ATR: variants seen among roughly 807,000 people sequenced by gnomAD.
ATR encodes the protein serine/threonine-protein kinase ATR.
ATR carries 142 observed loss-of-function variants against 305.3 expected under a neutral mutation model. That is an observed-to-expected ratio of 0.47 (90% confidence interval 0.41 to 0.53). ATR has a LOEUF of 0.53. Among genes scored for constraint, ATR ranks in the 20% least tolerant of loss-of-function variants. The pLI is 0.00. For synonymous variants in ATR, 1,050 were observed against 1,068.1 expected (o/e 0.98, Z 0.33); for missense variants, 2,135 against 3,133.1 (o/e 0.68, Z 7.60).
chr3:142,498,820 C>A (rs2108342240), intron 31 of ATR, 46 bp from the exon 32 acceptor site: 1 of 1,565,556 alleles, frequency 6.4e-7, no homozygotes, highest in East Asian at 2.2e-5. Flanking sequence ...TAGCTGGGTC[C>A]AAGAGTCAGC....
At chr3:142,558,015 C>T (rs975423035) in intron 8 of ATR, among the ~76,000 whole-genome samples, 50 of 152,096 alleles carry the variant, frequency 3.3e-4, no homozygotes, top group African/African-American at 1.2e-3. Flanking sequence ...TTCTCAAATA[C>T]TTCCTAATTT....
intron 18 of ATR, 36 bp from the exon 19 acceptor site, chr3:142,538,661 AC>A (rs2033946007): frequency 6.2e-7 from 1 of 1,610,830 alleles, no homozygotes; most frequent in Non-Finnish European, 8.5e-7. Context: ...AAGTCCAATT[AC>A]TTTTATTATT....
At chr3:142,457,038 T>G (rs144274094) in intron 45 of ATR, among the ~76,000 whole-genome samples, 38 of 152,198 alleles carry the variant, frequency 2.5e-4, no homozygotes, top group Non-Finnish European at 2.9e-5. Flanking sequence ...ACACAAAAGG[T>G]GGAAACAATC....
chr3:142,561,026 A>G (rs1182548566), intron 5 of ATR, among the ~76,000 whole-genome samples: 1 of 152,254 alleles, frequency 6.6e-6, no homozygotes, highest in East Asian at 1.9e-4. Context: ...TTAGATAAGC[A>G]TATAAAAACA....
intron 27 of ATR, among the ~76,000 whole-genome samples, chr3:142,508,481 T>C (rs1226420417): frequency 1.3e-5 from 2 of 152,180 alleles, no homozygotes; most frequent in Non-Finnish European, 1.5e-5. Context: ...GTCATTATTT[T>C]TGATGACTAT....
At chr3:142,520,341 A>G (rs2033095321) in intron 23 of ATR, among the ~76,000 whole-genome samples, 1 of 152,184 alleles carries the variant, frequency 6.6e-6, no homozygotes, top group African/African-American at 2.4e-5. Context: ...GGAATCGCAC[A>G]TCTCTCACTT....
chr3:142,473,925 T>C (rs148658854), intron 36 of ATR, among the ~76,000 whole-genome samples: 2,690 of 148,468 alleles, frequency 0.018, 29 homozygotes, highest in South Asian at 0.041. Flanking sequence ...TCTACTTCTG[T>C]GAAAAAAGTT....
At chr3:142,525,766 T>G (rs1331706142) in intron 21 of ATR, among the ~76,000 whole-genome samples, 1 of 152,152 alleles carries the variant, frequency 6.6e-6, no homozygotes, top group Non-Finnish European at 1.5e-5. Context: ...CTCCTCCCAT[T>G]GCTTTCTTGC....
intron 15 of ATR, 84 bp from the exon 16 acceptor site, chr3:142,547,994 G>T: frequency 8.4e-7 from 1 of 1,196,972 alleles, no homozygotes; most frequent in Non-Finnish European, 1.2e-6. Flanking sequence ...CATGCTATTA[G>T]TACATCAGGA....
chr3:142,459,795 G>T (rs2070985142), intron 42 of ATR, among the ~76,000 whole-genome samples: 1 of 151,972 alleles, frequency 6.6e-6, no homozygotes, highest in Admixed American at 6.6e-5. Context: ...CAATCCTCCA[G>T]ATAAGGAGGG....
At chr3:142,528,873 A>ATTTTTTTTTTTTTTTTTTTTTTT (rs1559966998) in intron 21 of ATR, among the ~76,000 whole-genome samples, 1 of 48,644 alleles carries the variant, frequency 2.1e-5, no homozygotes, top group Non-Finnish European at 3.6e-5. Flanking sequence ...ATATATATAT[A>ATTTTTTTTTTTTTTTTTTTTTTT]TATATATTTT....
intron 13 of ATR, among the ~76,000 whole-genome samples, chr3:142,550,792 A>T (rs777829178): frequency 6.2e-4 from 91 of 147,490 alleles, no homozygotes; most frequent in Non-Finnish European, 1.3e-3. Context: ...TTTGACAATA[A>T]TTTTTTTTTT....
At chr3:142,571,926 C>T (rs1056767597) in intron 1 of ATR, among the ~76,000 whole-genome samples, 1 of 151,952 alleles carries the variant, frequency 6.6e-6, no homozygotes, top group African/African-American at 2.4e-5. Context: ...GCCACCACAC[C>T]CAGCTAATTT....
intron 36 of ATR, among the ~76,000 whole-genome samples, chr3:142,479,356 T>C (rs185280334): frequency 1.3e-5 from 2 of 152,290 alleles, no homozygotes; most frequent in African/African-American, 4.8e-5. Context: ...AAGCTTAGTT[T>C]GGCTGGATAT....
chr3:142,574,458 CAAAAAA>C (rs59441794), intron 1 of ATR, among the ~76,000 whole-genome samples: 2 of 114,616 alleles, frequency 1.7e-5, no homozygotes, highest in African/African-American at 3.2e-5. Flanking sequence ...GAGCCAGTCT[CAAAAAA>C]AAAAAAAAAA....
At chr3:142,548,291 A>G (rs2034345591) in intron 15 of ATR, among the ~76,000 whole-genome samples, 1 of 152,192 alleles carries the variant, frequency 6.6e-6, no homozygotes, top group African/African-American at 2.4e-5. Flanking sequence ...TCTAGCTGTC[A>G]TTTATCAGAT....
chr3:142,460,601 G>A (rs1437090044), intron 42 of ATR, among the ~76,000 whole-genome samples: 1 of 152,072 alleles, frequency 6.6e-6, no homozygotes. Flanking sequence ...ACTTGATATT[G>A]TATCTTTAGC....
chr3:142,485,466 A>G (rs2030855020), intron 35 of ATR, among the ~76,000 whole-genome samples, 184 bp from the exon 36 acceptor site: 1 of 152,178 alleles, frequency 6.6e-6, no homozygotes, highest in Admixed American at 6.5e-5. Flanking sequence ...TTTTCTCAGG[A>G]GGGCTGATTT....
At chr3:142,531,234 G>GTTTTATTTTA (rs71629539) in intron 21 of ATR, among the ~76,000 whole-genome samples, 2 of 151,352 alleles carry the variant, frequency 1.3e-5, no homozygotes, top group Non-Finnish European at 2.9e-5. Flanking sequence ...GTCTCTAGCA[G>GTTTTATTTTA]TTTTATTTTA....
Sources: allele counts gnomAD v4.1 joint callset (sites outside exome capture counted in the v4.1 genomes callset), GRCh38; gene constraint gnomAD v4.1.1; transcripts MANE v1.5; gene names NCBI Gene and HGNC (gene_info 2026-07-23, HGNC 2026-07-21).